Variants in HIVEP2 observed in about 807,000 individuals in gnomAD.
HIVEP2 encodes the protein transcription factor HIVEP2.
Under a neutral mutation model 180.7 loss-of-function variants are expected in HIVEP2, and 14 were observed. The observed-to-expected ratio is 0.08, with a 90% CI of 0.05 to 0.12. The LOEUF (loss-of-function observed/expected upper bound fraction) is 0.12, where lower values mean the gene tolerates loss of function less well. Among genes scored for constraint, HIVEP2 ranks in the 10% least tolerant of loss-of-function variants. The pLI is 1.00. For missense variants in HIVEP2, 2,579 were observed against 3,008.5 expected (o/e 0.86, Z 3.34); for synonymous variants, 1,184 against 1,136.4 (o/e 1.04, Z -0.84).
chr6:142,926,086 C>G (rs1777802257), intron 1 of HIVEP2, among the ~76,000 whole-genome samples: 1 of 152,084 alleles, frequency 6.6e-6, no homozygotes, highest in South Asian at 2.1e-4. Flanking sequence ...TACTAAACAT[C>G]GATTCTTAAA....
chr6:142,849,765 T>G (rs545338776), intron 1 of HIVEP2, among the ~76,000 whole-genome samples: 2 of 152,112 alleles, frequency 1.3e-5, no homozygotes, highest in Non-Finnish European at 2.9e-5. Context: ...GTGATCTGAT[T>G]GCCTTGGCCT....
At chr6:142,890,390 C>G (rs965982999) in intron 1 of HIVEP2, among the ~76,000 whole-genome samples, 1 of 152,232 alleles carries the variant, frequency 6.6e-6, no homozygotes, top group Admixed American at 6.5e-5. Flanking sequence ...CGTGCACTTG[C>G]TCTGCATTCC....
chr6:142,888,087 A>G (rs1243344597), intron 1 of HIVEP2, among the ~76,000 whole-genome samples: 1 of 152,230 alleles, frequency 6.6e-6, no homozygotes, highest in African/African-American at 2.4e-5. Context: ...TATTCAAAAA[A>G]TGGGAAAATA....
intron 2 of HIVEP2, among the ~76,000 whole-genome samples, chr6:142,829,450 C>G (rs1413208331): frequency 2.0e-5 from 3 of 152,132 alleles, no homozygotes; most frequent in Non-Finnish European, 4.4e-5. Context: ...CCAAGCAAAC[C>G]CATAAGAAAA....
intron 1 of HIVEP2, among the ~76,000 whole-genome samples, chr6:142,890,409 C>A (rs955759530): frequency 2.0e-5 from 3 of 152,204 alleles, no homozygotes; most frequent in African/African-American, 7.2e-5. Flanking sequence ...CCTTCTAACA[C>A]TCTAAATTCA....
intron 2 of HIVEP2, among the ~76,000 whole-genome samples, chr6:142,795,696 C>G (rs1282335018): frequency 1.3e-5 from 2 of 152,100 alleles, no homozygotes; most frequent in Non-Finnish European, 2.9e-5. Context: ...AATGTCTTGT[C>G]TATGTATATT....
chr6:142,935,830 T>C (rs1778041090), intron 1 of HIVEP2, among the ~76,000 whole-genome samples: 2 of 152,224 alleles, frequency 1.3e-5, no homozygotes, highest in Non-Finnish European at 2.9e-5. Flanking sequence ...CTAGAAATTT[T>C]ATAGCAAAAA....
At chr6:142,945,670 A>G (rs1236605071), upstream of HIVEP2, among the ~76,000 whole-genome samples, 3 of 152,132 alleles carry the variant, frequency 2.0e-5, no homozygotes, top group Non-Finnish European at 4.4e-5. This position sits in a 1 kb window ranked among gnomAD's most constrained non-coding sequence, Gnocchi z 5.5. Flanking sequence ...CCAAGACACA[A>G]CTTGGCAAAG....
In HIVEP2 at chr6:142,764,906, C is replaced by T; in HGVS notation, c.5411G>A (p.Cys1804Tyr). The part of the protein sequence containing the change: ...RGRGKYICEE[C>Y]GIRCKKPSML... ...GCTTGGCTTCTTACAGCGAATCCCA[C>T]ATTCTTCACAAATGTACTTTCCCCG... Residue 1804 changes from cysteine (C) to tyrosine (Y), a missense_variant, in exon 7 of 10, where the codon TGT becomes TAT. Cys to Tyr is a radical substitution (Grantham distance 194). Coordinates refer to ENST00000367603, the MANE Select transcript of HIVEP2 (RefSeq NM_006734.4). 1 of 1,613,960 alleles carries T rather than the reference C, an allele frequency of 6.2e-7. No individual in the cohort carries two copies. Among genetic ancestry groups the T allele is most frequent in the Non-Finnish European group, 8.5e-7 (1 of 1,179,848 alleles).
Position 142,759,920 on chromosome 6 carries a change from A to G in HIVEP2, c.6368T>C (p.Ile2123Thr), listed in dbSNP as rs1775179823. The stretch of plus-strand genomic sequence containing the variant: ...AGGAGAGAGGTCTCTTCTTGCTGTG[A>G]TATCTTTCCCAGGAGACACTGGCCT... ...PRRPVSPGKD[I>T]TARRDLSPRR... is the part of the protein sequence containing the mutation. Residue 2123 changes from isoleucine to threonine, a missense_variant, in exon 9 of 10, where the codon ATC becomes ACC. By Grantham distance (89) the Ile-to-Thr change is moderately conservative. This residue lies in a region of HIVEP2 where 660 missense variants were observed against 731.7 expected (regional missense o/e 0.90). Transcript: ENST00000367603. 4 of 1,614,036 alleles carry G rather than the reference A, an allele frequency of 2.5e-6. No homozygotes were observed. The highest frequency in any genetic ancestry group is 1.6e-4 in the Middle Eastern group (1 of 6,062).
At chr6:142,787,125 G>A (rs1406727782) in intron 2 of HIVEP2, among the ~76,000 whole-genome samples, 2 of 151,994 alleles carry the variant, frequency 1.3e-5, no homozygotes, top group East Asian at 3.9e-4. Flanking sequence ...GTGTGGTGGT[G>A]CACATCTGTA....
At chr6:142,820,066 A>T (rs1776984887) in intron 2 of HIVEP2, among the ~76,000 whole-genome samples, 1 of 152,142 alleles carries the variant, frequency 6.6e-6, no homozygotes, top group Non-Finnish European at 1.5e-5. Flanking sequence ...GCCGTTTTCC[A>T]TTTCCTGTGG....
At chr6:142,768,315 C>A in intron 6 of HIVEP2, 67 bp downstream of exon 6, 4 of 1,432,410 alleles carry the variant, frequency 2.8e-6, no homozygotes, top group Non-Finnish European at 2.9e-6. Flanking sequence ...CTTTTCCATG[C>A]AGACATTCTG....
chr6:142,817,779 G>C (rs1029970945), intron 2 of HIVEP2, among the ~76,000 whole-genome samples: 1 of 152,180 alleles, frequency 6.6e-6, no homozygotes, highest in African/African-American at 2.4e-5. Flanking sequence ...AACGCTTTGG[G>C]AGGCTGAAGC....
chr6:142,841,634 C>T (rs1000048930), intron 1 of HIVEP2, among the ~76,000 whole-genome samples: 5 of 152,026 alleles, frequency 3.3e-5, no homozygotes, highest in African/African-American at 1.2e-4. Context: ...TGTTTGCCCT[C>T]CATATTCAGT....
rs544019888 is a variant in HIVEP2 at position 142,943,447 on chromosome 6, G to C, written c.-641+1652C>G. On this transcript the variant is annotated intron_variant, in intron 1 of 9. Transcript: ENST00000367603. The surrounding 1 kb of genome is among the most constrained non-coding windows in gnomAD (Gnocchi z 4.5). Reference sequence around the variant, plus strand: ...CCTTTTTCTAGGAGGACAGATCATTGCAAATTTAATTAAAATGGATCTTAT... The same window carrying C: ...CCTTTTTCTAGGAGGACAGATCATTCCAAATTTAATTAAAATGGATCTTAT... Among the ~76,000 whole-genome samples, 1 of 152,248 alleles carries C rather than the reference G, an allele frequency of 6.6e-6. No individual in the cohort carries two copies. The highest frequency in any genetic ancestry group is 2.1e-4 in the South Asian group (1 of 4,824).
chr6:142,895,196 G>C (rs1191365083), intron 1 of HIVEP2, among the ~76,000 whole-genome samples: 4 of 152,032 alleles, frequency 2.6e-5, no homozygotes, highest in African/African-American at 9.7e-5. Context: ...TTTCTGTGCA[G>C]TCTTGTACAC....
rs1774972122 is a variant in HIVEP2 at position 142,753,372 on chromosome 6, T to C, written c.7076A>G (p.Gln2359Arg). ...AACATGTGCACTTCCCAGGGGGTTC[T>C]GGTGGGGCTCCTGCACCCGCGCTGG... ...DQPARVQEPH[Q>R]NPLGSAHVSI... Residue 2359 changes from glutamine (Q) to arginine (R), a missense_variant, in exon 10 of 10, where the codon CAG (glutamine) becomes CGG (arginine). Transcript: ENST00000367603. 3.1e-6 allele frequency: 5 copies of C among 1,614,070 alleles called. No individual in the cohort carries two copies. Among genetic ancestry groups the C allele is most frequent in the South Asian group, 1.1e-5 (1 of 91,088 alleles).
At chr6:142,768,564 C>T (rs752097718) in intron 5 of HIVEP2, 28 bp from the exon 6 acceptor site, 22 of 1,608,430 alleles carry the variant, frequency 1.4e-5, no homozygotes, top group Non-Finnish European at 1.8e-5. Context: ...AGAATCATTT[C>T]ACATGCTTTC....
Sources: gnomAD v4.1 joint callset for allele counts (sites outside exome capture counted in the v4.1 genomes callset) on GRCh38, gnomAD v4.1.1 for gene constraint, gnomAD v4.1.1 regional missense constraint, Gnocchi (gnomAD v3.1) non-coding constraint, MANE v1.5 for transcripts, NCBI Gene and HGNC (gene_info 2026-07-23, HGNC 2026-07-21) for gene names.